ELF1: variants seen among roughly 807,000 people sequenced by gnomAD.
ELF1 encodes E74 like ETS transcription factor 1, also known as ETS-related transcription factor Elf-1.
ELF1 carries 24 observed loss-of-function variants against 59.9 expected under a neutral mutation model. That is an observed-to-expected ratio of 0.40 (90% CI 0.29 to 0.56). The LOEUF is 0.56. ELF1 is among the 20% of genes least tolerant of loss of function. The pLI is 0.44. For synonymous variants in ELF1, 248 were observed against 266.2 expected (o/e 0.93, Z 0.67); for missense variants, 627 against 742.2 (o/e 0.84, Z 1.80).
intron 1 of ELF1, among the ~76,000 whole-genome samples, chr13:41,006,863 C>A (rs1444887146): frequency 2.0e-5 from 3 of 152,114 alleles, no homozygotes; most frequent in African/African-American, 4.8e-5. Flanking sequence ...TAATTTAGTA[C>A]ATACGTACAT....
chr13:41,032,046 T>C (rs1319301301), intron 1 of ELF1, among the ~76,000 whole-genome samples: 2 of 151,966 alleles, frequency 1.3e-5, no homozygotes, highest in Non-Finnish European at 2.9e-5. Context: ...AATGGGCTGT[T>C]AGCACACAAG....
At chr13:40,979,124 T>C (rs1873102211) in intron 2 of ELF1, among the ~76,000 whole-genome samples, 1 of 151,984 alleles carries the variant, frequency 6.6e-6, no homozygotes, top group African/African-American at 2.4e-5. Flanking sequence ...CACAGCCTTT[T>C]AAAAGAATAT....
chr13:40,966,855 T>C (rs936134331), intron 2 of ELF1, among the ~76,000 whole-genome samples: 1 of 152,198 alleles, frequency 6.6e-6, no homozygotes. Flanking sequence ...ATTTAGTCTC[T>C]AGCATTTTTC....
chr13:40,943,274 G>A lies in ELF1; in HGVS notation c.614-130C>T, dbSNP rs1870299782. ...ATATTACATAATTCAGTTAGTATTGGTGACATAATTTAGTTAGTATGGGTG... is the reference window on the plus strand; with the variant it reads ...ATATTACATAATTCAGTTAGTATTGATGACATAATTTAGTTAGTATGGGTG... On this transcript the variant is annotated intron_variant, in intron 6 of 8. Transcript: ENST00000239882. 1.4e-5 allele frequency: 11 copies of A among 812,430 alleles called. No homozygotes were observed. The South Asian group carries it at 3.3e-4, about 25-fold the overall frequency. 50.3% of individuals were successfully genotyped at this position (812,430 alleles called of 1,614,324 possible). A position where few individuals can be genotyped will look rare whatever the true frequency, so the allele number is the denominator to read the frequency against.
chr13:41,035,656 CAT>C lies in ELF1; in HGVS notation c.-229+25180_-229+25181del, dbSNP rs140491036. On this transcript the variant is annotated intron_variant, in intron 1 of 1. Transcript: ENST00000405737. ...CCCAGGGTCTATACCTCAACACCCC[CAT>C]ATACATTAATAGGTGAAAAATAATA... Among the ~76,000 whole-genome samples the C allele has an allele frequency of 2.7e-3, 406 of 149,600 alleles. 8 individuals are homozygous for C. The East Asian group carries it at 0.049, about 18-fold the overall frequency.
intron 1 of ELF1, among the ~76,000 whole-genome samples, chr13:41,055,651 C>A (rs1198055161): frequency 5.3e-5 from 8 of 152,018 alleles, no homozygotes; most frequent in African/African-American, 1.9e-4. Flanking sequence ...TAACTAGGAG[C>A]TGAAGTTTCC....
intron 1 of ELF1, among the ~76,000 whole-genome samples, chr13:41,028,254 T>G (rs1043976712): frequency 6.6e-6 from 1 of 152,106 alleles, no homozygotes; most frequent in Non-Finnish European, 1.5e-5. Flanking sequence ...TAATCTAAAC[T>G]AGGAATGGGA....
intron 1 of ELF1, among the ~76,000 whole-genome samples, chr13:41,058,789 A>G (rs1286212767): frequency 6.6e-6 from 1 of 152,216 alleles, no homozygotes; most frequent in Non-Finnish European, 1.5e-5. Flanking sequence ...CCTGGCCAAC[A>G]TGGTGAAACA....
chr13:41,028,412 C>T (rs563512245), intron 1 of ELF1, among the ~76,000 whole-genome samples: 2 of 152,258 alleles, frequency 1.3e-5, no homozygotes, highest in African/African-American at 2.4e-5. Flanking sequence ...TACTAATAGC[C>T]CAGACCCTTT....
At chr13:40,966,816 A>G (rs1872201603) in intron 2 of ELF1, among the ~76,000 whole-genome samples, 1 of 152,222 alleles carries the variant, frequency 6.6e-6, no homozygotes, top group South Asian at 2.1e-4. Context: ...TACCTACAAA[A>G]TATTTTCCCA....
At chr13:40,996,297 T>C (rs748258079) in intron 1 of ELF1, among the ~76,000 whole-genome samples, 2 of 152,234 alleles carry the variant, frequency 1.3e-5, no homozygotes, top group Non-Finnish European at 2.9e-5. Context: ...ACCATAGAGC[T>C]GTGCTCCTTG....
intron 1 of ELF1, among the ~76,000 whole-genome samples, chr13:40,996,905 C>T (rs1053857621): frequency 6.6e-6 from 1 of 152,126 alleles, no homozygotes; most frequent in Non-Finnish European, 1.5e-5. Flanking sequence ...ATTGAAGAAG[C>T]CGAAGTCAGC....
chr13:41,005,200 TA>T (rs764226834), intron 1 of ELF1, among the ~76,000 whole-genome samples: 1 of 151,956 alleles, frequency 6.6e-6, no homozygotes, highest in Non-Finnish European at 1.5e-5. Context: ...ACAGAGCCAA[TA>T]AAAAAGTATT....
At position 40,933,974 on chromosome 13, in the gene ELF1, C is replaced by T. The variant is rs1376811401; in HGVS notation, c.1311G>A (p.Gln437=). 2 of 1,614,178 alleles carry T rather than the reference C, an allele frequency of 1.2e-6. No individual in the cohort carries two copies. Among genetic ancestry groups the T allele is most frequent in the Non-Finnish European group, 1.7e-6 (2 of 1,180,032 alleles). ...CTGTTTGGAGTGTTACTGTATGCAA[C>T]TGCTGATTCCTAGGAGACACAACCA... ...VPVVVSPRNQ[Q]LHTVTLQTVP... is the part of the protein sequence containing the mutation. The change falls in exon 9 of 9, where the codon CAG becomes CAA. Residue 437 remains glutamine (Q), a synonymous_variant. Transcript: ENST00000239882.
intron 1 of ELF1, among the ~76,000 whole-genome samples, chr13:41,037,739 T>A (rs987025577): frequency 5.4e-5 from 8 of 148,786 alleles, no homozygotes; most frequent in Admixed American, 4.7e-4. Context: ...GAGGTTGCAG[T>A]GAGCCGAGAT....
At chr13:41,054,084 T>TA (rs2138438111) in intron 1 of ELF1, among the ~76,000 whole-genome samples, 1 of 152,262 alleles carries the variant, frequency 6.6e-6, no homozygotes, top group African/African-American at 2.4e-5. Flanking sequence ...ACAAAAGGGA[T>TA]AAATGACCAT....
At chr13:40,964,216 A>G (rs1031079808) in intron 2 of ELF1, among the ~76,000 whole-genome samples, 1 of 152,248 alleles carries the variant, frequency 6.6e-6, no homozygotes, top group African/African-American at 2.4e-5. Context: ...AAGAAATAGT[A>G]AAATTTCAAA....
chr13:41,042,334 G>C (rs989656861), intron 1 of ELF1, among the ~76,000 whole-genome samples: 1 of 150,906 alleles, frequency 6.6e-6, no homozygotes, highest in Non-Finnish European at 1.5e-5. Flanking sequence ...TATACTTTAA[G>C]TTCAAGCATA....
At chr13:41,055,195 T>C (rs886575118) in intron 1 of ELF1, among the ~76,000 whole-genome samples, 3 of 152,090 alleles carry the variant, frequency 2.0e-5, no homozygotes, top group Admixed American at 2.0e-4. Context: ...TCGTTCTTCC[T>C]AAGTATGAGC....
Sources: allele counts gnomAD v4.1 joint callset (sites outside exome capture counted in the v4.1 genomes callset), GRCh38; gene constraint gnomAD v4.1.1; transcripts MANE v1.5; gene names NCBI Gene and HGNC (gene_info 2026-07-23, HGNC 2026-07-21).